PARD3B: variants seen among roughly 807,000 people sequenced by gnomAD.
PARD3B encodes the protein par-3 family cell polarity regulator beta.
Under a neutral mutation model 130.2 loss-of-function variants are expected in PARD3B, and 103 were observed. The ratio of observed to expected loss-of-function variants is 0.79; its 90% CI spans 0.67 to 0.93. The LOEUF is 0.93. PARD3B is among the 40% of genes least tolerant of loss of function. The pLI is 0.00. For synonymous variants in PARD3B, 583 were observed against 553.2 expected (o/e 1.05, Z -0.76); for missense variants, 1,609 against 1,499.2 (o/e 1.07, Z -1.21).
intron 2 of PARD3B, among the ~76,000 whole-genome samples, chr2:204,860,910 C>G (rs1424347845): frequency 6.6e-6 from 1 of 152,048 alleles, no homozygotes; most frequent in South Asian, 2.1e-4. Context: ...TAGCATTGGG[C>G]TAAAATAATG....
intron 16 of PARD3B, among the ~76,000 whole-genome samples, chr2:205,284,993 G>GTTT (rs5837964): frequency 4.0e-4 from 57 of 143,786 alleles, no homozygotes; most frequent in East Asian, 2.2e-3. Flanking sequence ...GCACAAAACA[G>GTTT]TTTTTTTTTT....
In PARD3B at chr2:205,181,778, A is replaced by G. The variant is rs548408721; in HGVS notation, c.1925-3986A>G. ...AAGAAGAGCCATTTGGCCATCAATG[A>G]AGTAATGACTACAGGGAGTGCTGTG... On this transcript the variant is annotated intron_variant, in intron 13 of 22. Transcript: ENST00000406610. 1.4e-4 allele frequency among the ~76,000 whole-genome samples: 22 copies of G among 152,356 alleles called. 1 individual carries two copies. In the South Asian group the frequency reaches 4.1e-3, roughly 29 times the overall value.
chr2:205,207,437 T>C lies in PARD3B; in HGVS notation c.2140+14117T>C, dbSNP rs546537114. On this transcript the variant is annotated intron_variant, in intron 15 of 22. Coordinates refer to ENST00000406610, the MANE Select transcript of PARD3B (RefSeq NM_001302769.2). ...AATTAATGAATCCAAGAGCTGGTTTTTTGAAAGGATCAACAAAATTGATAG... is the reference window on the plus strand; with the variant it reads ...AATTAATGAATCCAAGAGCTGGTTTCTTGAAAGGATCAACAAAATTGATAG... Among the ~76,000 whole-genome samples the C allele has an allele frequency of 1.4e-4, 21 of 148,846 alleles. No individual in the cohort carries two copies. The East Asian group carries it at 4.1e-3, about 29-fold the overall frequency.
intron 6 of PARD3B, among the ~76,000 whole-genome samples, chr2:205,117,953 T>G (rs982414289): frequency 3.9e-4 from 2 of 5,104 alleles, no homozygotes; most frequent in Non-Finnish European, 2.1e-3. Flanking sequence ...ACACACATAT[T>G]TTAATTCTAG....
In PARD3B at chr2:205,430,311, G is replaced by C. The variant is rs7587640; in HGVS notation, c.2742-10059G>C. Among the ~76,000 whole-genome samples, 421 of 152,264 alleles carry C rather than the reference G, an allele frequency of 2.8e-3. 2 individuals carry two copies. The highest frequency in any genetic ancestry group is 9.7e-3 in the African/African-American group (403 of 41,552). ...TGTAGTTCAAACCCTGTTGTTTAAC[G>C]GTCAACTGTCTGTTTTAGGGAGCCA... On this transcript the variant is annotated intron_variant, in intron 19 of 22. Transcript: ENST00000406610.
intron 22 of PARD3B, among the ~76,000 whole-genome samples, chr2:205,569,071 A>C (rs1265690641): frequency 6.6e-6 from 1 of 152,210 alleles, no homozygotes; most frequent in Non-Finnish European, 1.5e-5. Flanking sequence ...AACCTATGTC[A>C]ATTTAATAGG....
Position 205,301,933 on chromosome 2 carries a change from C to G in PARD3B, c.2630+232C>G. 1.4e-6 allele frequency: 1 copy of G among 725,878 alleles called. No individual in the cohort carries two copies. Among genetic ancestry groups the G allele is most frequent in the Admixed American group, 2.0e-5 (1 of 50,084 alleles). The allele number at this position is 725,878 out of a possible 1,614,324, so 45.0% of individuals were successfully genotyped here. ...GTTTGTTGTCAAAGAAAGGTCAACA[C>G]TATGCCAGGCACGGTGGCTCATGCC... On this transcript the variant is annotated intron_variant, in intron 18 of 22. Coordinates refer to ENST00000406610, the MANE Select transcript of PARD3B (RefSeq NM_001302769.2). The surrounding 1 kb of genome is among the most constrained non-coding windows in gnomAD (Gnocchi z 5.2).
intron 1 of PARD3B, among the ~76,000 whole-genome samples, chr2:204,613,845 T>G (rs911048057): frequency 3.9e-5 from 6 of 152,116 alleles, no homozygotes; most frequent in Admixed American, 3.9e-4. Context: ...GATCTTTCCT[T>G]AGGGTTATTT....
At chr2:205,380,162 A>ATATATATTATATAAAGAATATATAT (rs1248535724) in intron 18 of PARD3B, among the ~76,000 whole-genome samples, 3 of 104,972 alleles carry the variant, frequency 2.9e-5, no homozygotes, top group East Asian at 4.9e-4. Context: ...TATATAAAGA[A>ATATATATTATATAAAGAATATATAT]TATATATTAT....
chr2:205,306,360 G>A (rs1416236702), intron 18 of PARD3B, among the ~76,000 whole-genome samples: 1 of 148,950 alleles, frequency 6.7e-6, no homozygotes, highest in African/African-American at 2.6e-5. Flanking sequence ...TGATATCATA[G>A]TAATGTATAA....
intron 2 of PARD3B, among the ~76,000 whole-genome samples, chr2:204,735,018 C>G (rs1315869418): frequency 6.8e-6 from 1 of 146,414 alleles, no homozygotes; most frequent in African/African-American, 2.8e-5. Flanking sequence ...AGTCTGCCTG[C>G]TAATAAATGT....
rs1442831707 is a variant in PARD3B, at chr2:204,746,235, G to C, written c.222+59953G>C. ...CTATGAGTGAGAACATGCAGTGTTT[G>C]TTTTTTTGTGCTTGCGGTAGTTTGC... On this transcript the variant is annotated intron_variant, in intron 2 of 22. Transcript: ENST00000406610. Among the ~76,000 whole-genome samples the C allele has an allele frequency of 2.4e-4, 35 of 148,204 alleles. 1 individual carries two copies. The highest frequency in any genetic ancestry group is 2.3e-3 in the Admixed American group (34 of 14,580).
intron 2 of PARD3B, among the ~76,000 whole-genome samples, chr2:204,714,488 C>T (rs1367410187): frequency 1.3e-5 from 2 of 152,084 alleles, no homozygotes; most frequent in Non-Finnish European, 2.9e-5. Flanking sequence ...ACTTTGCCTA[C>T]ATTAGTTTCA....
chr2:205,042,363 A>G (rs1185996803), intron 3 of PARD3B, among the ~76,000 whole-genome samples: 2 of 152,200 alleles, frequency 1.3e-5, no homozygotes, highest in Admixed American at 1.3e-4. Flanking sequence ...AATTCTGTTA[A>G]AACCTGACAA....
At chr2:204,546,157 C>T in intron 1 of PARD3B, 38 bp downstream of exon 1, 2 of 1,548,670 alleles carry the variant, frequency 1.3e-6, no homozygotes, top group South Asian at 2.4e-5. Context: ...CGGCTGCAGC[C>T]AAGGCACCTG....
At chr2:205,256,190 T>A (rs372922272) in intron 16 of PARD3B, among the ~76,000 whole-genome samples, 70 of 152,016 alleles carry the variant, frequency 4.6e-4, no homozygotes, top group Non-Finnish European at 7.9e-4. Context: ...ATGTTTTTTT[T>A]AAAAAAATCT....
chr2:205,383,092 A>ATAGG (rs1188213346), intron 18 of PARD3B, among the ~76,000 whole-genome samples: 4 of 104,180 alleles, frequency 3.8e-5, no homozygotes, highest in African/African-American at 1.4e-4. Flanking sequence ...ACATAGATAG[A>ATAGG]TAGATAGATA....
At chr2:205,051,588 T>G (rs1208124412) in intron 4 of PARD3B, among the ~76,000 whole-genome samples, 2 of 152,218 alleles carry the variant, frequency 1.3e-5, no homozygotes, top group Non-Finnish European at 2.9e-5. Context: ...TAGTTGCACT[T>G]CATTAGGCTT....
chr2:205,425,546 G>A (rs1414034312), intron 19 of PARD3B, among the ~76,000 whole-genome samples: 1 of 55,142 alleles, frequency 1.8e-5, no homozygotes, highest in South Asian at 9.9e-4. Flanking sequence ...AAATAGACTC[G>A]GTGTAAAAAA....
Sources: allele counts gnomAD v4.1 joint callset (sites outside exome capture counted in the v4.1 genomes callset), GRCh38; gene constraint gnomAD v4.1.1; non-coding constraint Gnocchi (gnomAD v3.1); transcripts MANE v1.5; gene names NCBI Gene and HGNC (gene_info 2026-07-23, HGNC 2026-07-21).